TRIM5: variants seen among roughly 807,000 people sequenced by gnomAD.
The protein encoded by TRIM5 is tripartite motif-containing protein 5.
TRIM5 carries 31 observed loss-of-function variants against 35.6 expected under a neutral mutation model. The observed-to-expected ratio is 0.87, with a 90% confidence interval of 0.65 to 1.18. The LOEUF is 1.18. Ranked by LOEUF, TRIM5 falls within the 50% of genes most tolerant of loss-of-function variation. TRIM5 has a pLI of 0.00. For missense variants in TRIM5, 609 were observed against 591.6 expected, an observed-to-expected ratio of 1.03 and a Z score of -0.31; for synonymous variants, 243 against 215.6, an observed-to-expected ratio of 1.13 and a Z score of -1.11.
At chr11:5,634,838 T>G in the TRIM5 span, 1 of 1,612,920 alleles carries the variant, frequency 6.2e-7, no homozygotes, top group Non-Finnish European at 8.5e-7. Context: ...TCGGAGTCAG[T>G]GGTCAACAAT....
chr11:5,598,097 T>C, the TRIM5 span, among the ~76,000 whole-genome samples: 1 of 152,318 alleles, frequency 6.6e-6, no homozygotes, highest in East Asian at 1.9e-4. Flanking sequence ...TTTGATGCAC[T>C]GGGCTCTGGG....
the TRIM5 span, among the ~76,000 whole-genome samples, chr11:5,635,789 C>CT: frequency 1.3e-5 from 2 of 151,988 alleles, no homozygotes; most frequent in South Asian, 2.1e-4. Context: ...CTTTTGTCTT[C>CT]TTTTTTTGTT....
At chr11:5,598,674 T>G in the TRIM5 span, among the ~76,000 whole-genome samples, 3 of 152,228 alleles carry the variant, frequency 2.0e-5, no homozygotes, top group Non-Finnish European at 4.4e-5. Flanking sequence ...GCAACCCATT[T>G]CTGAGTAGCC....
the TRIM5 span, among the ~76,000 whole-genome samples, chr11:5,614,676 G>A: frequency 6.6e-6 from 1 of 152,144 alleles, no homozygotes; most frequent in Non-Finnish European, 1.5e-5. Context: ...TGTCACTAAA[G>A]TTCTAGACAT....
At chr11:5,669,369 C>T (rs560493136) in intron 4 of TRIM5, among the ~76,000 whole-genome samples, 82 of 152,158 alleles carry the variant, frequency 5.4e-4, no homozygotes, top group Non-Finnish European at 6.5e-4. Context: ...CGTGAGCCAC[C>T]GCACCCAGCT....
At chr11:5,604,162 TTG>T in the TRIM5 span, among the ~76,000 whole-genome samples, 1 of 150,252 alleles carries the variant, frequency 6.7e-6, no homozygotes, top group African/African-American at 2.4e-5. Context: ...GCCCAGCTAA[TTG>T]TGTGTGTGTG....
chr11:5,625,756 T>A, the TRIM5 span, among the ~76,000 whole-genome samples: 1 of 152,238 alleles, frequency 6.6e-6, no homozygotes, highest in Non-Finnish European at 1.5e-5. Flanking sequence ...CATACCTGTT[T>A]ACTTTTACTT....
At chr11:5,606,946 G>A in the TRIM5 span, among the ~76,000 whole-genome samples, 1 of 152,230 alleles carries the variant, frequency 6.6e-6, no homozygotes. Context: ...GCTCACGCCT[G>A]TAATCCCAGC....
At chr11:5,620,509 T>C in the TRIM5 span, among the ~76,000 whole-genome samples, 4 of 152,164 alleles carry the variant, frequency 2.6e-5, no homozygotes, top group African/African-American at 9.7e-5. Flanking sequence ...CCAAGCTTTT[T>C]TTCTCTTGTG....
At chr11:5,680,996 T>C (rs1852396317) in intron 1 of TRIM5, among the ~76,000 whole-genome samples, 1 of 152,106 alleles carries the variant, frequency 6.6e-6, no homozygotes, top group Non-Finnish European at 1.5e-5. Context: ...GCAATTGGGG[T>C]GTGGAAGTAG....
chr11:5,642,400 C>T, the TRIM5 span: 1 of 1,611,192 alleles, frequency 6.2e-7, no homozygotes, highest in Non-Finnish European at 8.5e-7. Context: ...TTTTTTTCAT[C>T]CCTAGGAGTG....
chr11:5,642,997 C>A, the TRIM5 span: 1 of 1,339,518 alleles, frequency 7.5e-7, no homozygotes, highest in Non-Finnish European at 1.0e-6. Flanking sequence ...CCCTCCAATT[C>A]ATCAGTGCAA....
At chr11:5,641,081 T>G in the TRIM5 span, 1 of 1,487,854 alleles carries the variant, frequency 6.7e-7, no homozygotes, top group Non-Finnish European at 9.0e-7. Context: ...GATTTTTCCA[T>G]TTTTTTTCCT....
At chr11:5,599,008 T>G in the TRIM5 span, among the ~76,000 whole-genome samples, 1 of 152,220 alleles carries the variant, frequency 6.6e-6, no homozygotes, top group Admixed American at 6.5e-5. Flanking sequence ...TGATGTACTT[T>G]CAAATACCAT....
the TRIM5 span, among the ~76,000 whole-genome samples, chr11:5,622,701 A>G: frequency 6.6e-6 from 1 of 152,206 alleles, no homozygotes; most frequent in African/African-American, 2.4e-5. Context: ...TGTCATCCAC[A>G]CAGAACTGAT....
chr11:5,659,868 C>T (rs1484253790), downstream of TRIM5, among the ~76,000 whole-genome samples: 1 of 152,006 alleles, frequency 6.6e-6, no homozygotes, highest in African/African-American at 2.4e-5. Flanking sequence ...CTGTCTCAAA[C>T]ATGTACTTTA....
the TRIM5 span, chr11:5,642,286 T>A: frequency 1.2e-6 from 1 of 822,562 alleles, no homozygotes; most frequent in Non-Finnish European, 1.9e-6. Flanking sequence ...CTCCCCCTCC[T>A]CAGGCTCAGG....
the TRIM5 span, among the ~76,000 whole-genome samples, chr11:5,650,716 T>C: frequency 2.0e-5 from 3 of 152,324 alleles, no homozygotes; most frequent in Middle Eastern, 3.4e-3. Context: ...AATTTGTTGT[T>C]TGATGGATCA....
the TRIM5 span, among the ~76,000 whole-genome samples, chr11:5,618,418 C>T: frequency 2.0e-5 from 3 of 152,010 alleles, no homozygotes; most frequent in African/African-American, 7.2e-5. Context: ...GTATAATGCT[C>T]AAAATGTAAT....
Sources: gnomAD v4.1 joint callset for allele counts (sites outside exome capture counted in the v4.1 genomes callset) on GRCh38, gnomAD v4.1.1 for gene constraint, MANE v1.5 for transcripts, NCBI Gene and HGNC (gene_info 2026-07-23, HGNC 2026-07-21) for gene names.